JAKMIP1: variants seen among roughly 807,000 people sequenced by gnomAD.
The protein encoded by JAKMIP1 is janus kinase and microtubule interacting protein 1.
A neutral mutation model predicts 113.0 loss-of-function variants in JAKMIP1; 33 were observed. The observed-to-expected ratio is 0.29, with a 90% CI of 0.22 to 0.39. JAKMIP1 has a LOEUF of 0.39. Ranked by LOEUF, JAKMIP1 falls within the 10% of genes least tolerant of loss-of-function variation. The pLI is 1.00. For missense variants in JAKMIP1, 813 were observed against 1,080.5 expected, an observed-to-expected ratio of 0.75 and a Z score of 3.47; for synonymous variants, 480 against 459.9, an observed-to-expected ratio of 1.04 and a Z score of -0.56.
rs1026485797 is a variant in JAKMIP1 at position 6,107,427 on chromosome 4, C to T, written c.130-1460G>A. Among the ~76,000 whole-genome samples, 4 of 152,284 alleles carry T rather than the reference C, an allele frequency of 2.6e-5. No homozygotes were observed. In the South Asian group the frequency reaches 6.2e-4, roughly 24 times the overall value. On this transcript the variant is annotated intron_variant, in intron 2 of 20. Coordinates refer to ENST00000409021, the MANE Select transcript of JAKMIP1 (RefSeq NM_001099433.2). ...ACTTGGCTGGGCCACAATGCCCAGT[C>T]GTTTGGTCAAACACCAGTCCAGATG...
rs1255408190 is a variant in JAKMIP1, at chr4:6,116,526, T to C, written c.-147-3529A>G. On this transcript the variant is annotated intron_variant, in intron 1 of 20. Coordinates refer to ENST00000409021, the MANE Select transcript of JAKMIP1 (RefSeq NM_001099433.2). This position sits in a 1 kb window ranked among gnomAD's most constrained non-coding sequence, Gnocchi z 5.1. ...CCTTGGACCTGCTGACCCTGGACCT[T>C]GTCTGGCATATAGGCCAAGGTTGGC... Among the ~76,000 whole-genome samples, 1 of 152,156 alleles carries C rather than the reference T, an allele frequency of 6.6e-6. No homozygotes were observed. Among genetic ancestry groups the C allele is most frequent in the East Asian group, 1.9e-4 (1 of 5,182 alleles).
At chr4:6,096,140 G>C (rs1056331966) in intron 3 of JAKMIP1, among the ~76,000 whole-genome samples, 2 of 152,184 alleles carry the variant, frequency 1.3e-5, no homozygotes, top group African/African-American at 2.4e-5. Context: ...CTGGGGCTGA[G>C]AACAACCTGC....
In JAKMIP1 at chr4:6,067,709, AC is replaced by A. The variant is rs1309165089; in HGVS notation, c.1303-2702del. ...TCAAGCTCTTCTGCACACACAGGTC[AC>A]CCCCCTGAGCTCCACGTTCACTCAA... is the stretch of plus-strand genomic sequence containing the variant. On this transcript the variant is annotated intron_variant, in intron 8 of 20. Transcript: ENST00000409021. This position sits in a 1 kb window ranked among gnomAD's most constrained non-coding sequence, Gnocchi z 4.6. Among the ~76,000 whole-genome samples, 22 of 117,094 alleles carry A rather than the reference AC, an allele frequency of 1.9e-4. No individual in the cohort carries two copies. Among genetic ancestry groups the A allele is most frequent in the East Asian group, 4.8e-4 (2 of 4,194 alleles). The allele number at this position is 117,094 out of a possible 152,430, so 76.8% of individuals were successfully genotyped here.
chr4:6,062,286 C>T (rs768937147), intron 10 of JAKMIP1, 26 bp downstream of exon 10: 7 of 1,611,178 alleles, frequency 4.3e-6, no homozygotes, highest in East Asian at 2.2e-5. Flanking sequence ...GCCCCTCCCT[C>T]GAGCCCTGAG....
chr4:6,031,013 G>A lies in JAKMIP1; in HGVS notation c.2380-1232C>T, dbSNP rs952745170. Among the ~76,000 whole-genome samples the A allele has an allele frequency of 2.6e-5, 4 of 152,212 alleles. No homozygotes were observed. The highest frequency in any genetic ancestry group is 5.9e-5 in the Non-Finnish European group (4 of 68,042). On this transcript the variant is annotated intron_variant, in intron 19 of 20. Transcript: ENST00000409021. The surrounding 1 kb of genome is among the most constrained non-coding windows in gnomAD (Gnocchi z 4.4). Reference sequence around the variant, plus strand: ...TCACTCAGTAAATAGGACTCCATATGCCTGGGCCTGTTCCAGTCCTGGAGA... The same window carrying A: ...TCACTCAGTAAATAGGACTCCATATACCTGGGCCTGTTCCAGTCCTGGAGA...
At chr4:6,034,246 G>C (rs1327618044) in intron 19 of JAKMIP1, among the ~76,000 whole-genome samples, 1 of 112,148 alleles carries the variant, frequency 8.9e-6, no homozygotes, top group Non-Finnish European at 1.8e-5. Flanking sequence ...CAGTGAGACA[G>C]GCATTGTCAT....
chr4:6,075,512 A>G (rs758125750), intron 8 of JAKMIP1, among the ~76,000 whole-genome samples: 2 of 152,196 alleles, frequency 1.3e-5, no homozygotes, highest in African/African-American at 4.8e-5. Context: ...AAAAGAAAAA[A>G]TGCTGGTGGG....
intron 1 of JAKMIP1, among the ~76,000 whole-genome samples, chr4:6,117,224 G>A (rs1052655324): frequency 5.3e-5 from 8 of 152,188 alleles, no homozygotes; most frequent in African/African-American, 1.4e-4. Flanking sequence ...GACCTGCCCC[G>A]ATAATCACGT....
rs1199652522 is a variant in JAKMIP1 at position 6,139,611 on chromosome 4, C to T, written c.-147-26614G>A. On this transcript the variant is annotated intron_variant, in intron 1 of 20. Coordinates refer to ENST00000409021, the MANE Select transcript of JAKMIP1 (RefSeq NM_001099433.2). The surrounding 1 kb of genome is among the most constrained non-coding windows in gnomAD (Gnocchi z 5.2). ...TGAAACCCCATCTCTACTAAAAATA[C>T]AAAAATTAGCCAGGTGTGGTGGCAC... Among the ~76,000 whole-genome samples the T allele has an allele frequency of 2.0e-5, 3 of 151,740 alleles. No individual in the cohort carries two copies. Among genetic ancestry groups the T allele is most frequent in the Non-Finnish European group, 4.4e-5 (3 of 67,956 alleles).
Position 6,154,606 on chromosome 4 carries a change from A to G in JAKMIP1, c.-147-41609T>C, listed in dbSNP as rs1478323806. On this transcript the variant is annotated intron_variant, in intron 1 of 20. Coordinates refer to ENST00000409021, the MANE Select transcript of JAKMIP1 (RefSeq NM_001099433.2). The surrounding 1 kb of genome is among the most constrained non-coding windows in gnomAD (Gnocchi z 4.2). ...CACCAAGAAACTTAGCAAGGCTTCC[A>G]AGAGCCCAACACGCACAGCCCACTG... Among the ~76,000 whole-genome samples, 1 of 151,978 alleles carries G rather than the reference A, an allele frequency of 6.6e-6. No individual in the cohort carries two copies. The highest frequency in any genetic ancestry group is 2.4e-5 in the African/African-American group (1 of 41,370).
intron 1 of JAKMIP1, among the ~76,000 whole-genome samples, chr4:6,195,812 C>T (rs1727766597): frequency 6.6e-6 from 1 of 152,244 alleles, no homozygotes. Flanking sequence ...GAGTAAATGT[C>T]TTTGGCTTCC....
rs1217341646 is a variant in JAKMIP1, at chr4:6,200,525, C to A, written c.-420G>T. ...GGTGGCCGCGATCCGGGCAGGCGGC[C>A]GGCGCGTGCCGCACGCGGGTGGCTG... On this transcript the variant is annotated 5_prime_UTR_variant, in exon 1 of 21. Transcript: ENST00000409021. This position sits in a 1 kb window ranked among gnomAD's most constrained non-coding sequence, Gnocchi z 7.0. 6.6e-6 allele frequency: 1 copy of A among 150,724 alleles called. No homozygotes were observed. Among genetic ancestry groups the A allele is most frequent in the African/African-American group, 2.4e-5 (1 of 41,284 alleles). The allele number at this position is 150,724 out of a possible 1,614,324, so 9.3% of individuals were successfully genotyped here.
At chr4:6,085,734 C>T (rs990286284) in intron 3 of JAKMIP1, 105 bp from the exon 4 acceptor site, 17 of 1,001,470 alleles carry the variant, frequency 1.7e-5, no homozygotes, top group African/African-American at 9.6e-5. Context: ...AGCAGTGTCT[C>T]GGGCCTGGGT....
Position 6,031,923 on chromosome 4 carries a change from T to A in JAKMIP1, c.2380-2142A>T, listed in dbSNP as rs968576586. The stretch of plus-strand genomic sequence containing the variant: ...TTGAGCACTCCATATGTTATTTTTT[T>A]AAACTGATAATTTTCTACTCTCTCC... On this transcript the variant is annotated intron_variant, in intron 19 of 20. Coordinates refer to ENST00000409021, the MANE Select transcript of JAKMIP1 (RefSeq NM_001099433.2). This position sits in a 1 kb window ranked among gnomAD's most constrained non-coding sequence, Gnocchi z 4.4. Among the ~76,000 whole-genome samples, 2 of 152,238 alleles carry A rather than the reference T, an allele frequency of 1.3e-5. No homozygotes were observed. The highest frequency in any genetic ancestry group is 4.8e-5 in the African/African-American group (2 of 41,462).
rs1383431125 is a variant in JAKMIP1 at position 6,042,928 on chromosome 4, A to G, written c.2029-701T>C. Among the ~76,000 whole-genome samples, 1 of 151,994 alleles carries G rather than the reference A, an allele frequency of 6.6e-6. No individual in the cohort carries two copies. The highest frequency in any genetic ancestry group is 1.5e-5 in the Non-Finnish European group (1 of 67,982). On this transcript the variant is annotated intron_variant, in intron 16 of 20. Coordinates refer to ENST00000409021, the MANE Select transcript of JAKMIP1 (RefSeq NM_001099433.2). This position sits in a 1 kb window ranked among gnomAD's most constrained non-coding sequence, Gnocchi z 5.2. The stretch of plus-strand genomic sequence containing the variant: ...CGGGGCGTGCACCTGAGCGGCAGGT[A>G]AGGGAGTGGGAGCTCTGTCCACGTT...
At chr4:6,113,586 A>G (rs1031757476) in intron 1 of JAKMIP1, among the ~76,000 whole-genome samples, 1 of 152,232 alleles carries the variant, frequency 6.6e-6, no homozygotes, top group Non-Finnish European at 1.5e-5. Context: ...ACTGAGACAC[A>G]CAGAGGTTGA....
At chr4:6,114,055 G>A (rs991900424) in intron 1 of JAKMIP1, among the ~76,000 whole-genome samples, 1 of 152,216 alleles carries the variant, frequency 6.6e-6, no homozygotes, top group African/African-American at 2.4e-5. Context: ...GATTTTACTA[G>A]GCCCATTTTA....
rs1715341949 is a variant in JAKMIP1, at chr4:6,049,064, G to A, written c.1963-142C>T. On this transcript the variant is annotated intron_variant, in intron 15 of 20. Coordinates refer to ENST00000409021, the MANE Select transcript of JAKMIP1 (RefSeq NM_001099433.2). The surrounding 1 kb of genome is among the most constrained non-coding windows in gnomAD (Gnocchi z 7.0). Reference sequence around the variant, plus strand: ...TTGTTTTGAGACGGAGTCTCTCTCTGTCACCTGGGTTTGAGTGCAGTGGTG... The same window carrying A: ...TTGTTTTGAGACGGAGTCTCTCTCTATCACCTGGGTTTGAGTGCAGTGGTG... 1 of 663,810 alleles carries A rather than the reference G, an allele frequency of 1.5e-6. No homozygotes were observed. Among genetic ancestry groups the A allele is most frequent in the African/African-American group, 1.8e-5 (1 of 55,524 alleles). 41.1% of individuals were successfully genotyped at this position (663,810 alleles called of 1,614,324 possible). A position where few individuals can be genotyped will look rare whatever the true frequency, so the allele number is the denominator to read the frequency against.
chr4:6,192,985 C>A lies in JAKMIP1; in HGVS notation c.-148+7268G>T, dbSNP rs1727446085. 1.3e-5 allele frequency among the ~76,000 whole-genome samples: 2 copies of A among 152,254 alleles called. No homozygotes were observed. On this transcript the variant is annotated intron_variant, in intron 1 of 20. Transcript: ENST00000409021. This position sits in a 1 kb window ranked among gnomAD's most constrained non-coding sequence, Gnocchi z 5.0. ...TGAGGGTGTTCCCAAAAGAGATTAA[C>A]AATTGAGTCAGTGGACTGGGAGAGG...
Sources: gnomAD v4.1 joint callset for allele counts (sites outside exome capture counted in the v4.1 genomes callset) on GRCh38, gnomAD v4.1.1 for gene constraint, Gnocchi (gnomAD v3.1) non-coding constraint, MANE v1.5 for transcripts, NCBI Gene and HGNC (gene_info 2026-07-23, HGNC 2026-07-21) for gene names.